Variants in ADAMTS6 observed in about 807,000 individuals in gnomAD.
The protein encoded by ADAMTS6 is ADAM metallopeptidase with thrombospondin type 1 motif 6.
Under a neutral mutation model 144.3 loss-of-function variants are expected in ADAMTS6, and 23 were observed. The ratio of observed to expected loss-of-function variants is 0.16; its 90% CI spans 0.11 to 0.23. The LOEUF (loss-of-function observed/expected upper bound fraction) is 0.23. ADAMTS6 is among the 10% of genes least tolerant of loss of function. ADAMTS6 has a pLI of 1.00. For missense variants in ADAMTS6, 999 were observed against 1,379.6 expected, an observed-to-expected ratio of 0.72 and a Z score of 4.37; for synonymous variants, 444 against 457.5, an observed-to-expected ratio of 0.97 and a Z score of 0.38.
chr5:65,373,472 A>G (rs927994353), intron 7 of ADAMTS6, among the ~76,000 whole-genome samples: 2 of 151,048 alleles, frequency 1.3e-5, no homozygotes, highest in East Asian at 1.9e-4. Flanking sequence ...AGAGAATACT[A>G]CAAACACCTC....
At chr5:65,162,796 C>A (rs968211848) in intron 24 of ADAMTS6, among the ~76,000 whole-genome samples, 18 of 152,216 alleles carry the variant, frequency 1.2e-4, no homozygotes, top group African/African-American at 4.3e-4. Context: ...CTTGTATCTT[C>A]CAATTCTGAA....
chr5:65,260,427 A>G (rs1236696697), intron 14 of ADAMTS6, among the ~76,000 whole-genome samples, 173 bp downstream of exon 14: 2 of 152,108 alleles, frequency 1.3e-5, no homozygotes, highest in Non-Finnish European at 2.9e-5. Context: ...CTTGACCCTT[A>G]TTAATGGAAT....
At chr5:65,401,622 A>G (rs1289961806) in intron 7 of ADAMTS6, among the ~76,000 whole-genome samples, 1 of 152,176 alleles carries the variant, frequency 6.6e-6, no homozygotes, top group Non-Finnish European at 1.5e-5. Context: ...AAATTTGTCA[A>G]TTACAGGTCA....
At chr5:65,332,094 G>C (rs181424020) in intron 8 of ADAMTS6, among the ~76,000 whole-genome samples, 26 of 151,390 alleles carry the variant, frequency 1.7e-4, no homozygotes, top group Non-Finnish European at 4.4e-5. Flanking sequence ...CAAAGTACTA[G>C]GCAGTACTCA....
chr5:65,291,212 A>T, intron 11 of ADAMTS6, 117 bp downstream of exon 11: 1 of 1,240,066 alleles, frequency 8.1e-7, no homozygotes, highest in Non-Finnish European at 1.1e-6. Flanking sequence ...GTCAAAAGCC[A>T]TATTTAAATT....
intron 7 of ADAMTS6, among the ~76,000 whole-genome samples, chr5:65,382,542 T>A (rs1239697935): frequency 2.0e-5 from 3 of 152,242 alleles, no homozygotes; most frequent in East Asian, 1.9e-4. Flanking sequence ...ACTTAAGAAT[T>A]TCAAGATGAT....
At chr5:65,410,815 C>T (rs1415386650) in intron 7 of ADAMTS6, among the ~76,000 whole-genome samples, 3 of 152,114 alleles carry the variant, frequency 2.0e-5, no homozygotes, top group African/African-American at 4.8e-5. Context: ...CAATGTCCTC[C>T]GGGTTCATTC....
chr5:65,344,317 C>T (rs897261700), intron 7 of ADAMTS6, among the ~76,000 whole-genome samples: 1 of 151,806 alleles, frequency 6.6e-6, no homozygotes. Context: ...AACAAAATAA[C>T]TTTCTCTTTC....
chr5:65,378,106 A>G (rs1260219872), intron 7 of ADAMTS6, among the ~76,000 whole-genome samples: 1 of 152,064 alleles, frequency 6.6e-6, no homozygotes, highest in African/African-American at 2.4e-5. Context: ...GCAAGACCCT[A>G]TTTCCAAATA....
intron 21 of ADAMTS6, among the ~76,000 whole-genome samples, chr5:65,189,572 T>C (rs1276858695): frequency 6.6e-6 from 1 of 152,206 alleles, no homozygotes; most frequent in Non-Finnish European, 1.5e-5. Context: ...ACGTAAATCT[T>C]ATGTGCTGAA....
intron 4 of ADAMTS6, among the ~76,000 whole-genome samples, chr5:65,457,734 T>C (rs920974048): frequency 1.7e-5 from 2 of 114,840 alleles, no homozygotes; most frequent in African/African-American, 3.6e-5. Flanking sequence ...TCCTAGTTTT[T>C]TTCTTTCTTT....
chr5:65,476,919 T>C (rs1204623157), intron 1 of ADAMTS6, among the ~76,000 whole-genome samples: 1 of 152,184 alleles, frequency 6.6e-6, no homozygotes, highest in African/African-American at 2.4e-5. Flanking sequence ...AGTCGATATA[T>C]TTATAAGTGG....
chr5:65,281,529 TA>T (rs1246844479), intron 11 of ADAMTS6, among the ~76,000 whole-genome samples: 1 of 152,130 alleles, frequency 6.6e-6, no homozygotes, highest in Non-Finnish European at 1.5e-5. Flanking sequence ...GTGTGGATTT[TA>T]AAAAGATACT....
At chr5:65,457,494 C>T (rs7708044) in intron 4 of ADAMTS6, among the ~76,000 whole-genome samples, 57,860 of 151,666 alleles carry the variant, frequency 0.38, 11,392 homozygotes, top group South Asian at 0.43. Flanking sequence ...TTGACTAATG[C>T]GTAAACCATT....
intron 7 of ADAMTS6, among the ~76,000 whole-genome samples, chr5:65,350,401 C>G (rs989842993): frequency 6.6e-6 from 1 of 152,052 alleles, no homozygotes; most frequent in Non-Finnish European, 1.5e-5. Flanking sequence ...CTTTTTCAAC[C>G]CTTTAATTAT....
At chr5:65,169,781 C>T (rs1156806645) in intron 24 of ADAMTS6, among the ~76,000 whole-genome samples, 2 of 150,750 alleles carry the variant, frequency 1.3e-5, no homozygotes, top group Non-Finnish European at 2.9e-5. Flanking sequence ...TAAACTATCG[C>T]AAGATCAAAA....
intron 20 of ADAMTS6, among the ~76,000 whole-genome samples, chr5:65,211,149 C>T (rs1756502882): frequency 6.6e-6 from 1 of 152,122 alleles, no homozygotes; most frequent in South Asian, 2.1e-4. Flanking sequence ...TCTAAAGGGA[C>T]TTTACTTCCC....
intron 7 of ADAMTS6, among the ~76,000 whole-genome samples, chr5:65,401,052 GCTCTGT>G (rs1258903853): frequency 6.6e-6 from 1 of 152,072 alleles, no homozygotes; most frequent in Non-Finnish European, 1.5e-5. Context: ...TCTGATGCTT[GCTCTGT>G]CTCTTCAAAC....
chr5:65,302,342 AT>A (rs1275818230), intron 9 of ADAMTS6, among the ~76,000 whole-genome samples: 1 of 145,770 alleles, frequency 6.9e-6, no homozygotes, highest in African/African-American at 2.5e-5. Flanking sequence ...TTATATACAT[AT>A]AATATGTGTA....
Sources: allele counts gnomAD v4.1 joint callset (sites outside exome capture counted in the v4.1 genomes callset), GRCh38; gene constraint gnomAD v4.1.1; transcripts MANE v1.5; gene names NCBI Gene and HGNC (gene_info 2026-07-23, HGNC 2026-07-21).